The following SIPA1L1 variants were observed in gnomAD, a reference collection of about 807,000 sequenced individuals.
SIPA1L1 encodes the protein signal induced proliferation associated 1 like 1.
Under a neutral mutation model 162.7 loss-of-function variants are expected in SIPA1L1, and 26 were observed. The ratio of observed to expected loss-of-function variants is 0.16; its 90% CI spans 0.12 to 0.22. SIPA1L1 has a LOEUF of 0.22. SIPA1L1 is among the 10% of genes least tolerant of loss of function. The pLI is 1.00. For missense variants in SIPA1L1, 1,874 were observed against 2,241.0 expected, an observed-to-expected ratio of 0.84 and a Z score of 3.31; for synonymous variants, 829 against 837.4, an observed-to-expected ratio of 0.99 and a Z score of 0.17.
intron 2 of SIPA1L1, among the ~76,000 whole-genome samples, chr14:71,485,808 GGGCATA>G (rs1442251939): frequency 6.6e-6 from 1 of 152,094 alleles, no homozygotes; most frequent in Non-Finnish European, 1.5e-5. Flanking sequence ...CGCTGGTTTA[GGGCATA>G]GACCCCCAAA....
At chr14:71,664,019 C>T (rs949452623) in intron 10 of SIPA1L1, among the ~76,000 whole-genome samples, 7 of 152,208 alleles carry the variant, frequency 4.6e-5, no homozygotes, top group Admixed American at 1.3e-4. Flanking sequence ...GAGGCAGGCA[C>T]ACCTCCTCAG....
intron 2 of SIPA1L1, among the ~76,000 whole-genome samples, chr14:71,363,777 A>G (rs552484974): frequency 3.3e-5 from 5 of 152,342 alleles, no homozygotes; most frequent in African/African-American, 7.2e-5. Context: ...CAAAACTTGA[A>G]TGCACCAGCA....
intron 2 of SIPA1L1, among the ~76,000 whole-genome samples, chr14:71,431,544 A>G (rs1224569467): frequency 1.3e-5 from 2 of 151,970 alleles, no homozygotes; most frequent in African/African-American, 2.4e-5. Context: ...AAATACAAAA[A>G]TTAGCTAGGT....
intron 16 of SIPA1L1, among the ~76,000 whole-genome samples, chr14:71,708,341 ACAGGGTAT>A (rs2149978032): frequency 6.9e-6 from 1 of 144,382 alleles, no homozygotes; most frequent in Admixed American, 6.9e-5. Flanking sequence ...TTTTTTTGAG[ACAGGGTAT>A]CACTCTGTCA....
In SIPA1L1 at chr14:71,687,214, T is replaced by C. The variant is rs562987164; in HGVS notation, c.3374+1583T>C. Among the ~76,000 whole-genome samples, 6 of 152,374 alleles carry C rather than the reference T, an allele frequency of 3.9e-5. No homozygotes were observed. The East Asian group carries it at 1.2e-3, about 29-fold the overall frequency. On this transcript the variant is annotated intron_variant, in intron 13 of 23. Coordinates refer to ENST00000381232, the MANE Select transcript of SIPA1L1 (RefSeq NM_001386936.1). ...TCTGTTTACAGAGCCTTGCTATTTATCTCAATAAAAGTTTCCTCTCCCATA... is the reference window on the plus strand; with the variant it reads ...TCTGTTTACAGAGCCTTGCTATTTACCTCAATAAAAGTTTCCTCTCCCATA...
At chr14:71,546,051 C>A (rs2055156556) in intron 4 of SIPA1L1, among the ~76,000 whole-genome samples, 1 of 152,036 alleles carries the variant, frequency 6.6e-6, no homozygotes, top group Admixed American at 6.5e-5. Flanking sequence ...CCACTGCACT[C>A]CAGCCTGGGA....
chr14:71,569,909 G>C (rs964867880), intron 4 of SIPA1L1, among the ~76,000 whole-genome samples: 2 of 152,198 alleles, frequency 1.3e-5, no homozygotes, highest in Admixed American at 6.5e-5. Context: ...TGTTGATTCA[G>C]AGTCCAGGAC....
At chr14:71,367,549 C>T (rs61672971) in intron 2 of SIPA1L1, among the ~76,000 whole-genome samples, 3 of 150,034 alleles carry the variant, frequency 2.0e-5, no homozygotes, top group African/African-American at 4.9e-5. Flanking sequence ...ACCTCGTGAT[C>T]TGCCCGCCTC....
intron 2 of SIPA1L1, among the ~76,000 whole-genome samples, chr14:71,393,914 A>C (rs1254302566): frequency 6.6e-6 from 1 of 152,258 alleles, no homozygotes; most frequent in Non-Finnish European, 1.5e-5. Flanking sequence ...TGATATGCTT[A>C]AACAGAATTT....
At chr14:71,468,064 G>C (rs985020926) in intron 2 of SIPA1L1, among the ~76,000 whole-genome samples, 1 of 151,258 alleles carries the variant, frequency 6.6e-6, no homozygotes, top group Non-Finnish European at 1.5e-5. Flanking sequence ...GTGTCTGTCT[G>C]TCTGTTACAG....
chr14:71,380,748 T>C (rs1566952557), intron 2 of SIPA1L1, among the ~76,000 whole-genome samples: 1 of 152,192 alleles, frequency 6.6e-6, no homozygotes, highest in Non-Finnish European at 1.5e-5. Context: ...CAATATCTAT[T>C]TTTCAGGCCT....
At chr14:71,607,399 C>G (rs1865190763) in intron 5 of SIPA1L1, among the ~76,000 whole-genome samples, 1 of 151,948 alleles carries the variant, frequency 6.6e-6, no homozygotes, top group African/African-American at 2.4e-5. Flanking sequence ...AAACATTACT[C>G]TGGCCAGGGG....
chr14:71,406,303 A>G (rs367581394), intron 2 of SIPA1L1, among the ~76,000 whole-genome samples: 3 of 152,324 alleles, frequency 2.0e-5, no homozygotes, highest in East Asian at 3.9e-4. Flanking sequence ...TAATGATTAT[A>G]TGGGTGCCAC....
intron 2 of SIPA1L1, among the ~76,000 whole-genome samples, chr14:71,362,013 A>G (rs984017311): frequency 6.6e-6 from 1 of 152,228 alleles, no homozygotes; most frequent in Non-Finnish European, 1.5e-5. Context: ...TATTGGGTTC[A>G]TACTCCATTC....
intron 2 of SIPA1L1, among the ~76,000 whole-genome samples, chr14:71,362,219 T>G (rs914048297): frequency 2.0e-5 from 3 of 152,224 alleles, no homozygotes; most frequent in African/African-American, 7.2e-5. Flanking sequence ...CAGAGATAGT[T>G]TTAATGCCCT....
intron 2 of SIPA1L1, among the ~76,000 whole-genome samples, chr14:71,477,060 G>C (rs2047927593): frequency 6.6e-6 from 1 of 152,108 alleles, no homozygotes; most frequent in African/African-American, 2.4e-5. Context: ...TTTGAGGCCA[G>C]CCTGGCCAAC....
intron 4 of SIPA1L1, among the ~76,000 whole-genome samples, chr14:71,535,486 T>C (rs1391214329): frequency 2.6e-5 from 4 of 152,144 alleles, no homozygotes; most frequent in Non-Finnish European, 5.9e-5. Flanking sequence ...AATAATAACA[T>C]ACTTTTAAAA....
chr14:71,480,970 T>C (rs1371268835), intron 2 of SIPA1L1, among the ~76,000 whole-genome samples: 4 of 152,226 alleles, frequency 2.6e-5, no homozygotes, highest in Admixed American at 2.6e-4. Context: ...TATGTAAATT[T>C]ACATTTAGTG....
At chr14:71,527,346 A>G (rs1173024182) in intron 3 of SIPA1L1, among the ~76,000 whole-genome samples, 1 of 151,642 alleles carries the variant, frequency 6.6e-6, no homozygotes. Flanking sequence ...TATTTTTTAA[A>G]CCAAGGAAGA....
Sources: allele counts gnomAD v4.1 joint callset (sites outside exome capture counted in the v4.1 genomes callset), GRCh38; gene constraint gnomAD v4.1.1; transcripts MANE v1.5; gene names NCBI Gene and HGNC (gene_info 2026-07-23, HGNC 2026-07-21).